Variants in STAM observed in about 807,000 individuals in gnomAD.
The protein encoded by STAM is signal transducing adaptor molecule.
STAM carries 16 observed loss-of-function variants against 63.4 expected under a neutral mutation model. The observed-to-expected ratio is 0.25, with a 90% CI of 0.17 to 0.38. STAM has a LOEUF of 0.38. STAM is among the 10% of genes least tolerant of loss of function. The pLI is 1.00. For missense variants in STAM, 636 were observed against 657.1 expected (o/e 0.97, Z 0.35); for synonymous variants, 238 against 223.9 (o/e 1.06, Z -0.56).
intron 7 of STAM, 56 bp from the exon 8 acceptor site, chr10:17,696,719 A>C: frequency 3.1e-6 from 4 of 1,273,182 alleles, no homozygotes; most frequent in Non-Finnish European, 4.5e-6. Context: ...AAAGATAAAG[A>C]TGTACAGAAA....
At chr10:17,700,397 A>T in intron 9 of STAM, 118 bp downstream of exon 9, 1 of 764,374 alleles carries the variant, frequency 1.3e-6, no homozygotes, top group South Asian at 2.4e-5. Flanking sequence ...GTATTTTTTT[A>T]TAAAAATTCA....
intron 2 of STAM, among the ~76,000 whole-genome samples, chr10:17,667,559 A>G (rs184120930): frequency 2.2e-4 from 34 of 152,336 alleles, no homozygotes; most frequent in African/African-American, 7.7e-4. Flanking sequence ...CTGAATGCCA[A>G]ATATCATGCT....
At chr10:17,675,615 A>G (rs1423055985) in intron 2 of STAM, among the ~76,000 whole-genome samples, 2 of 152,214 alleles carry the variant, frequency 1.3e-5, no homozygotes, top group Non-Finnish European at 2.9e-5. Flanking sequence ...TAACTTATAC[A>G]GGGATTCACT....
intron 5 of STAM, among the ~76,000 whole-genome samples, chr10:17,689,192 A>G (rs556152773): frequency 7.9e-5 from 12 of 152,346 alleles, no homozygotes; most frequent in African/African-American, 2.9e-4. Context: ...AGGATGCCCA[A>G]CTAATCAAGA....
chr10:17,644,424 C>A, intron 1 of STAM, 45 bp downstream of exon 1: 1 of 1,611,094 alleles, frequency 6.2e-7, no homozygotes, highest in Non-Finnish European at 8.5e-7. Flanking sequence ...CCGGACTGCA[C>A]GCTCACTCTG....
intron 2 of STAM, among the ~76,000 whole-genome samples, chr10:17,674,095 C>T (rs931587938): frequency 4.6e-5 from 7 of 151,998 alleles, no homozygotes; most frequent in Admixed American, 3.3e-4. Context: ...GTAAGCCTGA[C>T]CTGATTTAGT....
chr10:17,652,267 T>C (rs1554821637), intron 1 of STAM, among the ~76,000 whole-genome samples: 1 of 152,202 alleles, frequency 6.6e-6, no homozygotes, highest in East Asian at 1.9e-4. Flanking sequence ...ATACTTGTTC[T>C]TTTATAACTG....
intron 2 of STAM, among the ~76,000 whole-genome samples, chr10:17,664,070 GTTTTAAAAGAAATAAAACA>G (rs2055675289): frequency 6.7e-6 from 1 of 149,408 alleles, no homozygotes; most frequent in African/African-American, 2.5e-5. Flanking sequence ...TTTTCTTCTT[GTTTTAAAAGAAATAAAACA>G]TTTACGTGTA....
intron 1 of STAM, among the ~76,000 whole-genome samples, chr10:17,656,544 C>T (rs1833947998): frequency 6.6e-6 from 1 of 152,160 alleles, no homozygotes; most frequent in Non-Finnish European, 1.5e-5. Context: ...AAAGAGTCTT[C>T]TGATTTCTTG....
Position 17,684,821 on chromosome 10 carries a change from T to C in STAM, c.202-11T>C. The C allele has an allele frequency of 6.2e-7, 1 of 1,613,938 alleles. No individual in the cohort carries two copies. Among genetic ancestry groups the C allele is most frequent in the Non-Finnish European group, 8.5e-7 (1 of 1,179,904 alleles). On this transcript the variant is annotated splice_polypyrimidine_tract_variant and intron_variant, in intron 3 of 13. Coordinates refer to ENST00000377524, the MANE Select transcript of STAM (RefSeq NM_003473.4). The stretch of plus-strand genomic sequence containing the variant: ...ATTGAGCCCCTTTAACTTCTGATTT[T>C]GTGCTTTTAGCTTCTAGGAGCATGT...
At chr10:17,675,285 C>T (rs868959453) in intron 2 of STAM, among the ~76,000 whole-genome samples, 3 of 152,132 alleles carry the variant, frequency 2.0e-5, no homozygotes, top group Non-Finnish European at 4.4e-5. Context: ...GGGTGGATCA[C>T]CTGAGGTCAG....
Position 17,687,119 on chromosome 10 carries a change from A to C in STAM, c.298-908A>C, listed in dbSNP as rs80103473. Among the ~76,000 whole-genome samples the C allele has an allele frequency of 4.1e-4, 63 of 152,328 alleles. No individual in the cohort carries two copies. In the East Asian group the frequency reaches 0.011, roughly 26 times the overall value. On this transcript the variant is annotated intron_variant, in intron 4 of 13. Coordinates refer to ENST00000377524, the MANE Select transcript of STAM (RefSeq NM_003473.4). ...ATCTCTTTCTTTAATACGGAAGAAT[A>C]ATGCCCTGCACACCTGCCTTAGACT...
intron 2 of STAM, among the ~76,000 whole-genome samples, chr10:17,675,816 ACT>A (rs1834830691): frequency 6.6e-6 from 1 of 151,420 alleles, no homozygotes; most frequent in Admixed American, 6.6e-5. Flanking sequence ...TTTAACAGTG[ACT>A]CTCTAATTTT....
At chr10:17,690,455 A>G (rs1367499886) in intron 5 of STAM, among the ~76,000 whole-genome samples, 2 of 152,226 alleles carry the variant, frequency 1.3e-5, no homozygotes, top group Non-Finnish European at 2.9e-5. Context: ...TTTCACCTAC[A>G]AGAAATACAT....
chr10:17,691,786 A>G (rs1486425054), intron 5 of STAM, among the ~76,000 whole-genome samples: 1 of 152,194 alleles, frequency 6.6e-6, no homozygotes, highest in African/African-American at 2.4e-5. Flanking sequence ...AGTGCTGTAC[A>G]TGTGGCAATT....
At chr10:17,669,346 G>T (rs1589047688) in intron 2 of STAM, among the ~76,000 whole-genome samples, 1 of 147,888 alleles carries the variant, frequency 6.8e-6, no homozygotes, top group African/African-American at 2.5e-5. Flanking sequence ...GTAGGATATG[G>T]TCTTGAGGTT....
intron 1 of STAM, 23 bp downstream of exon 1, chr10:17,644,402 GC>G (rs1163448226): frequency 6.2e-7 from 1 of 1,613,770 alleles, no homozygotes; most frequent in East Asian, 2.2e-5. Context: ...GCCTCTCCCT[GC>G]CCATTCCTCA....
intron 1 of STAM, among the ~76,000 whole-genome samples, chr10:17,649,913 C>T (rs1833671131): frequency 6.6e-6 from 1 of 152,142 alleles, no homozygotes; most frequent in Non-Finnish European, 1.5e-5. Context: ...CGGGCCCAGC[C>T]AATTTGGTAA....
chr10:17,646,888 GTTAT>G (rs1310035840), intron 1 of STAM, among the ~76,000 whole-genome samples: 2 of 152,112 alleles, frequency 1.3e-5, no homozygotes, highest in African/African-American at 4.8e-5. Flanking sequence ...ATTTGATACA[GTTAT>G]TTATCACTTA....
Sources: allele counts gnomAD v4.1 joint callset (sites outside exome capture counted in the v4.1 genomes callset), GRCh38; gene constraint gnomAD v4.1.1; transcripts MANE v1.5; gene names NCBI Gene and HGNC (gene_info 2026-07-23, HGNC 2026-07-21).